Variants in PDIA6 observed in about 807,000 individuals in gnomAD.
PDIA6 encodes protein disulfide isomerase family A member 6.
Under a neutral mutation model 58.4 loss-of-function variants are expected in PDIA6, and 29 were observed. That is an observed-to-expected ratio of 0.50 (90% CI 0.37 to 0.68). PDIA6 has a LOEUF of 0.68. Ranked by LOEUF, PDIA6 falls within the 30% of genes least tolerant of loss-of-function variation. The pLI is 0.00. For synonymous variants in PDIA6, 192 were observed against 202.6 expected, an observed-to-expected ratio of 0.95 and a Z score of 0.44; for missense variants, 480 against 551.0, an observed-to-expected ratio of 0.87 and a Z score of 1.29.
intron 1 of PDIA6, among the ~76,000 whole-genome samples, chr2:10,820,220 G>A (rs558803545): frequency 1.2e-4 from 19 of 152,248 alleles, no homozygotes; most frequent in South Asian, 2.1e-4. Flanking sequence ...AGGGGGTCCC[G>A]GAAAAATGGG....
chr2:10,789,393 T>C (rs949199989), intron 8 of PDIA6, among the ~76,000 whole-genome samples: 15 of 149,016 alleles, frequency 1.0e-4, no homozygotes, highest in Non-Finnish European at 1.6e-4. Context: ...TCAGTGTTCA[T>C]GTGAGAATTA....
rs1665524313 is a variant in PDIA6, at chr2:10,783,491, A to G, written c.*767T>C. 1.6e-5 allele frequency: 7 copies of G among 443,922 alleles called. No homozygotes were observed. The highest frequency in any genetic ancestry group is 1.0e-4 in the South Asian group (4 of 38,832). The allele number at this position is 443,922 out of a possible 1,614,324, so 27.5% of individuals were successfully genotyped here. A position where few individuals can be genotyped will look rare whatever the true frequency, so the allele number is the denominator to read the frequency against. On this transcript the variant is annotated 3_prime_UTR_variant, in exon 13 of 13. Coordinates refer to ENST00000272227, the MANE Select transcript of PDIA6 (RefSeq NM_005742.4). ...AAACTTCATTTTCTGAATGTTTTAC[A>G]TAAATGCGAACTACCTGTTCGCATT...
At chr2:10,815,118 T>C (rs111779187), upstream of PDIA6, among the ~76,000 whole-genome samples, 5 of 108,306 alleles carry the variant, frequency 4.6e-5, no homozygotes, top group South Asian at 2.8e-4. Context: ...ATGCACAGGC[T>C]TCTGGAAATG....
At chr2:10,832,420 A>G (rs1248092656) in exon 1 of PDIA6, 1 of 985,276 alleles carries the variant, frequency 1.0e-6, no homozygotes, top group Non-Finnish European at 1.2e-6. Context: ...ACCTGGTGGG[A>G]TTCTATTAAT....
upstream of PDIA6, among the ~76,000 whole-genome samples, chr2:10,832,916 C>A (rs1279073595): frequency 6.6e-6 from 1 of 150,884 alleles, no homozygotes; most frequent in Non-Finnish European, 1.5e-5. Context: ...GCGCTGGTCC[C>A]ACCCCCCGCC....
At chr2:10,796,488 G>T (rs1197659608) in intron 4 of PDIA6, among the ~76,000 whole-genome samples, 3 of 146,310 alleles carry the variant, frequency 2.1e-5, no homozygotes. Context: ...AACACAGCAA[G>T]ACTCTGTCTC....
chr2:10,815,193 TGGAAATGCACAGGCTTCC>T (rs1358872720), upstream of PDIA6, among the ~76,000 whole-genome samples: 2 of 152,172 alleles, frequency 1.3e-5, no homozygotes, highest in Non-Finnish European at 2.9e-5. Flanking sequence ...CACAGCCTTC[TGGAAATGCACAGGCTTCC>T]GGAAATGCAC....
At chr2:10,835,791 C>A (rs1391069079), upstream of PDIA6, among the ~76,000 whole-genome samples, 1 of 152,186 alleles carries the variant, frequency 6.6e-6, no homozygotes. Context: ...GTGGCTCACG[C>A]CTGTAACCCA....
chr2:10,832,071 A>T (rs1282217936), intron 1 of PDIA6: 2 of 151,088 alleles, frequency 1.3e-5, no homozygotes, highest in East Asian at 3.9e-4. Context: ...ATATTTACTG[A>T]GCACCTATGA....
At chr2:10,823,398 T>G (rs1667457937) in intron 1 of PDIA6, 1 of 152,206 alleles carries the variant, frequency 6.6e-6, no homozygotes, top group Admixed American at 6.5e-5. Context: ...TCATATGAAC[T>G]TCTGAATAAA....
intron 5 of PDIA6, 72 bp downstream of exon 5, chr2:10,793,024 C>CT: frequency 1.1e-6 from 1 of 951,182 alleles, no homozygotes; most frequent in Non-Finnish European, 1.7e-6. Context: ...TAAAAAACAA[C>CT]TATCTTATAC....
chr2:10,811,035 G>T (rs1734450), intron 1 of PDIA6, among the ~76,000 whole-genome samples: 42,034 of 151,896 alleles, frequency 0.28, 6,175 homozygotes, highest in Middle Eastern at 0.42. Context: ...CTGCTAGGAG[G>T]AGTCTACAGT....
intron 2 of PDIA6, among the ~76,000 whole-genome samples, chr2:10,800,251 C>T (rs911016664): frequency 5.3e-5 from 8 of 152,208 alleles, no homozygotes; most frequent in Non-Finnish European, 1.0e-4. Context: ...AACCCACAAC[C>T]TGAAATGTTC....
At chr2:10,786,746 G>A (rs1298477228) in intron 11 of PDIA6, among the ~76,000 whole-genome samples, 2 of 152,316 alleles carry the variant, frequency 1.3e-5, no homozygotes, top group South Asian at 2.1e-4. Flanking sequence ...GCCCTGTATT[G>A]CCTAAAAGAT....
At chr2:10,804,160 G>A (rs1009463657) in intron 1 of PDIA6, among the ~76,000 whole-genome samples, 21 of 151,628 alleles carry the variant, frequency 1.4e-4, no homozygotes, top group African/African-American at 3.1e-4. Context: ...CGCCCGCCTC[G>A]GCCTCCCAAA....
At chr2:10,800,528 GT>G (rs74887694) in intron 2 of PDIA6, among the ~76,000 whole-genome samples, 73,476 of 148,600 alleles carry the variant, frequency 0.49, 19,437 homozygotes, top group Middle Eastern at 0.6. Context: ...CATACTTTAG[GT>G]TTTTTTTTGC....
intron 11 of PDIA6, among the ~76,000 whole-genome samples, chr2:10,786,942 A>G (rs1027126852): frequency 2.6e-5 from 4 of 152,188 alleles, no homozygotes; most frequent in Admixed American, 6.5e-5. Flanking sequence ...TACAATGCAT[A>G]TGAGGGTGAG....
chr2:10,808,875 G>C (rs976402299), intron 1 of PDIA6, among the ~76,000 whole-genome samples: 1 of 152,122 alleles, frequency 6.6e-6, no homozygotes, highest in Admixed American at 6.5e-5. Context: ...GCCCAGGCTG[G>C]AGTGCAGTGG....
At chr2:10,824,597 G>T (rs940563939) in intron 1 of PDIA6, among the ~76,000 whole-genome samples, 20 of 152,240 alleles carry the variant, frequency 1.3e-4, no homozygotes, top group Non-Finnish European at 2.6e-4. Flanking sequence ...CTAGAAGAGT[G>T]GCATTTGCTT....
Sources: allele counts gnomAD v4.1 joint callset (sites outside exome capture counted in the v4.1 genomes callset), GRCh38; gene constraint gnomAD v4.1.1; transcripts MANE v1.5; gene names NCBI Gene and HGNC (gene_info 2026-07-23, HGNC 2026-07-21).